Variants in OLA1 observed in about 807,000 individuals in gnomAD.
OLA1 encodes the protein obg-like ATPase 1.
Under a neutral mutation model 48.4 loss-of-function variants are expected in OLA1, and 14 were observed. The observed-to-expected ratio is 0.29, with a 90% CI of 0.19 to 0.45. The LOEUF is 0.45. OLA1 is among the 20% of genes least tolerant of loss of function. The pLI is 1.00. For synonymous variants in OLA1, 127 were observed against 150.4 expected (o/e 0.84, Z 1.14); for missense variants, 325 against 467.1 (o/e 0.70, Z 2.80).
intron 7 of OLA1, among the ~76,000 whole-genome samples, chr2:174,110,229 C>T (rs898577451): frequency 6.6e-6 from 1 of 151,424 alleles, no homozygotes. Context: ...CTCCACCTCC[C>T]GAGTTCAAAT....
chr2:174,176,740 G>C (rs1179236989), intron 4 of OLA1, among the ~76,000 whole-genome samples: 1 of 152,114 alleles, frequency 6.6e-6, no homozygotes, highest in African/African-American at 2.4e-5. Context: ...AAAAAAGTGG[G>C]AGGTATGGGG....
At chr2:174,084,691 C>A (rs1033023617) in intron 7 of OLA1, among the ~76,000 whole-genome samples, 5 of 152,132 alleles carry the variant, frequency 3.3e-5, no homozygotes, top group African/African-American at 9.7e-5. Flanking sequence ...TTTCTACAAA[C>A]CATACCCCAA....
At chr2:174,126,148 T>C (rs940846449) in intron 5 of OLA1, among the ~76,000 whole-genome samples, 4 of 152,058 alleles carry the variant, frequency 2.6e-5, no homozygotes, top group Non-Finnish European at 5.9e-5. Context: ...TAGCAAAAAA[T>C]TAAAAGATGT....
intron 4 of OLA1, among the ~76,000 whole-genome samples, chr2:174,211,401 C>T (rs943831098): frequency 2.6e-5 from 4 of 152,086 alleles, no homozygotes; most frequent in African/African-American, 9.7e-5. Context: ...CATGATTAGC[C>T]CAGCTTAAAA....
At chr2:174,195,496 T>C (rs373119746) in intron 4 of OLA1, among the ~76,000 whole-genome samples, 2 of 152,190 alleles carry the variant, frequency 1.3e-5, no homozygotes, top group Non-Finnish European at 2.9e-5. Context: ...CATTTACTTA[T>C]ATACTAATGT....
At chr2:174,166,978 G>C (rs879879740) in intron 4 of OLA1, among the ~76,000 whole-genome samples, 8 of 152,104 alleles carry the variant, frequency 5.3e-5, no homozygotes, top group Non-Finnish European at 8.8e-5. Flanking sequence ...TTTTGTAATA[G>C]TGTCATAATA....
intron 10 of OLA1, among the ~76,000 whole-genome samples, chr2:174,077,948 C>T (rs57279693): frequency 0.013 from 1,969 of 151,988 alleles, 39 homozygotes; most frequent in African/African-American, 0.044. Flanking sequence ...TATACAGATG[C>T]CACCATCAAA....
intron 4 of OLA1, among the ~76,000 whole-genome samples, chr2:174,163,750 AT>A (rs1687082513): frequency 6.0e-5 from 3 of 49,730 alleles, no homozygotes; most frequent in Admixed American, 2.0e-4. Flanking sequence ...ATATATATAT[AT>A]ATATATATAT....
At chr2:174,189,537 C>G (rs1438906204) in intron 4 of OLA1, among the ~76,000 whole-genome samples, 1 of 152,042 alleles carries the variant, frequency 6.6e-6, no homozygotes, top group Non-Finnish European at 1.5e-5. Context: ...GATGTTCGGT[C>G]TCACTCACTC....
At chr2:174,230,927 A>T (rs779553557) in intron 2 of OLA1, among the ~76,000 whole-genome samples, 1 of 152,250 alleles carries the variant, frequency 6.6e-6, no homozygotes, top group Non-Finnish European at 1.5e-5. Flanking sequence ...TGACCTCTAC[A>T]GCCACTTTTA....
intron 4 of OLA1, among the ~76,000 whole-genome samples, chr2:174,205,793 T>C (rs1340922439): frequency 6.6e-6 from 1 of 152,084 alleles, no homozygotes; most frequent in Non-Finnish European, 1.5e-5. Flanking sequence ...AATAAACAAA[T>C]TCCAGGCACA....
chr2:174,213,169 A>T (rs1688282634), intron 4 of OLA1, among the ~76,000 whole-genome samples: 1 of 152,208 alleles, frequency 6.6e-6, no homozygotes, highest in African/African-American at 2.4e-5. Context: ...TTTGTTTTCC[A>T]CAACTATAAC....
intron 6 of OLA1, 25 bp downstream of exon 6, chr2:174,123,570 A>G: frequency 7.1e-7 from 1 of 1,405,788 alleles, no homozygotes; most frequent in Non-Finnish European, 9.9e-7. Context: ...AGGCAGTAAT[A>G]GATGGCATGA....
intron 4 of OLA1, among the ~76,000 whole-genome samples, chr2:174,192,982 G>T (rs1687806173): frequency 6.6e-6 from 1 of 151,836 alleles, no homozygotes; most frequent in Non-Finnish European, 1.5e-5. Flanking sequence ...GCGTATGTGT[G>T]TGGTATTTAT....
chr2:174,081,802 A>G (rs1247731733), intron 8 of OLA1, 122 bp downstream of exon 8: 1 of 942,210 alleles, frequency 1.1e-6, no homozygotes, highest in African/African-American at 1.7e-5. Context: ...TAAAGAAAGG[A>G]GAAGATTCCC....
intron 4 of OLA1, among the ~76,000 whole-genome samples, chr2:174,152,699 TG>T: frequency 6.6e-6 from 1 of 152,232 alleles, no homozygotes. Flanking sequence ...GGTCTAGTAA[TG>T]TAAACTGTTA....
intron 4 of OLA1, among the ~76,000 whole-genome samples, chr2:174,212,754 G>T (rs1688272601): frequency 6.6e-6 from 1 of 151,910 alleles, no homozygotes; most frequent in African/African-American, 2.4e-5. Context: ...AGTAGCCTAA[G>T]CTTACACAGG....
intron 7 of OLA1, among the ~76,000 whole-genome samples, chr2:174,084,688 A>C (rs1483626508): frequency 1.3e-5 from 2 of 152,202 alleles, no homozygotes; most frequent in Non-Finnish European, 2.9e-5. Flanking sequence ...CTCTTTCTAC[A>C]AACCATACCC....
At chr2:174,192,227 A>C (rs1019013473) in intron 4 of OLA1, among the ~76,000 whole-genome samples, 4 of 152,156 alleles carry the variant, frequency 2.6e-5, no homozygotes, top group Non-Finnish European at 5.9e-5. Flanking sequence ...CTTATCCAAA[A>C]TGCCTGAGAC....
Sources: gnomAD v4.1 joint callset for allele counts (sites outside exome capture counted in the v4.1 genomes callset) on GRCh38, gnomAD v4.1.1 for gene constraint, MANE v1.5 for transcripts, NCBI Gene and HGNC (gene_info 2026-07-23, HGNC 2026-07-21) for gene names.